The following RFX7 variants were observed in gnomAD, a reference collection of about 807,000 sequenced individuals.
RFX7 encodes the protein regulatory factor X7.
RFX7 carries 26 observed loss-of-function variants against 111.8 expected under a neutral mutation model. The observed-to-expected ratio is 0.23, with a 90% confidence interval of 0.17 to 0.32. The LOEUF (loss-of-function observed/expected upper bound fraction) is 0.32. Ranked by LOEUF, RFX7 falls within the 10% of genes least tolerant of loss-of-function variation. RFX7 has a pLI of 1.00. For synonymous variants in RFX7, 624 were observed against 624.4 expected (o/e 1.00, Z 0.01); for missense variants, 1,573 against 1,772.9 (o/e 0.89, Z 2.02).
intron 5 of RFX7, among the ~76,000 whole-genome samples, chr15:56,110,798 A>G (rs1218820502): frequency 4.1e-4 from 1 of 2,450 alleles, no homozygotes; most frequent in African/African-American, 4.3e-4. Flanking sequence ...CCGGCCAGCC[A>G]CCCTGTCCGG....
chr15:56,230,342 T>G lies in RFX7; in HGVS notation c.161+12783A>C, dbSNP rs571537333. 2.6e-5 allele frequency among the ~76,000 whole-genome samples: 4 copies of G among 152,294 alleles called. No individual in the cohort carries two copies. The South Asian group carries it at 6.2e-4, about 24-fold the overall frequency. Reference sequence around the variant, plus strand: ...ACACACATTATTAAATCTAGGTACATAGTGAAAGATATGGGATTGGGAAAA... The same window carrying G: ...ACACACATTATTAAATCTAGGTACAGAGTGAAAGATATGGGATTGGGAAAA... On this transcript the variant is annotated intron_variant, in intron 2 of 9. Coordinates refer to ENST00000559447, the MANE Select transcript of RFX7 (RefSeq NM_022841.7).
chr15:56,096,515 C>T lies in RFX7; in HGVS notation c.1213G>A (p.Val405Met), dbSNP rs753764184. 2.5e-6 allele frequency: 4 copies of T among 1,603,350 alleles called. No individual in the cohort carries two copies. The highest frequency in any genetic ancestry group is 2.6e-6 in the Non-Finnish European group (3 of 1,174,878). Residue 405 changes from valine (V) to methionine (M), a missense_variant, in exon 10 of 10, where the codon GTG (valine) becomes ATG (methionine). Val to Met is a conservative substitution (Grantham distance 21). Coordinates refer to ENST00000559447, the MANE Select transcript of RFX7 (RefSeq NM_022841.7). ...VQVVTQHMQS[V>M]KQAPKTPQNV... ...TGGGGAGTCTTTGGTGCCTGTTTCA[C>T]AGACTGCATGTGCTGAGTGACCACC...
chr15:56,127,550 A>AT (rs71441430), intron 5 of RFX7, among the ~76,000 whole-genome samples: 19,827 of 141,280 alleles, frequency 0.14, 1,696 homozygotes, highest in East Asian at 0.43. Context: ...TTTTGAAAAG[A>AT]TTTTTTTTTT....
chr15:56,161,137 A>G (rs1222597208), intron 3 of RFX7, among the ~76,000 whole-genome samples: 1 of 152,140 alleles, frequency 6.6e-6, no homozygotes, highest in Non-Finnish European at 1.5e-5. Flanking sequence ...CTTAGAGAAC[A>G]GTTAAGGAAA....
chr15:56,145,895 A>G (rs146729416), intron 3 of RFX7, among the ~76,000 whole-genome samples: 50 of 152,360 alleles, frequency 3.3e-4, no homozygotes, highest in African/African-American at 9.4e-4. Context: ...GTGGCATAAA[A>G]TAACTATGAA....
intron 3 of RFX7, among the ~76,000 whole-genome samples, chr15:56,172,558 C>A (rs964423015): frequency 2.0e-5 from 3 of 152,112 alleles, no homozygotes; most frequent in African/African-American, 7.2e-5. Context: ...AAGGACAACT[C>A]TTCTGTTGAG....
At chr15:56,125,610 AGTGTGTGTGTGTGTGTGTGT>A (rs10564650) in intron 5 of RFX7, among the ~76,000 whole-genome samples, 1 of 146,954 alleles carries the variant, frequency 6.8e-6, no homozygotes, top group Non-Finnish European at 1.5e-5. Context: ...TGTGTGTGTG[AGTGTGTGTGTGTGTGTGTGT>A]GTGTGTGTGT....
rs1288855708 is a variant in RFX7, at chr15:56,087,685, G to T, written c.*5660C>A. 1 of 399,696 alleles carries T rather than the reference G, an allele frequency of 2.5e-6. No homozygotes were observed. The highest frequency in any genetic ancestry group is 2.7e-5 in the Admixed American group (1 of 36,446). 24.8% of individuals were successfully genotyped at this position (399,696 alleles called of 1,614,324 possible). A position where few individuals can be genotyped will look rare whatever the true frequency, so the allele number is the denominator to read the frequency against. On this transcript the variant is annotated 3_prime_UTR_variant, in exon 10 of 10. Coordinates refer to ENST00000559447, the MANE Select transcript of RFX7 (RefSeq NM_022841.7). ...AAGAAGGGGAGAATGCATACTACTG[G>T]TAAGTATCCGCCTCTGCTATAGTGA...
At chr15:56,124,640 G>T (rs1179703114) in intron 5 of RFX7, among the ~76,000 whole-genome samples, 1 of 152,050 alleles carries the variant, frequency 6.6e-6, no homozygotes, top group Non-Finnish European at 1.5e-5. Flanking sequence ...CGTACCTATG[G>T]CCATTTGTAC....
At chr15:56,117,894 T>A (rs1294909979) in intron 5 of RFX7, among the ~76,000 whole-genome samples, 1 of 152,154 alleles carries the variant, frequency 6.6e-6, no homozygotes, top group Non-Finnish European at 1.5e-5. Context: ...TGATTCTTTA[T>A]CTTGGGTATA....
intron 3 of RFX7, among the ~76,000 whole-genome samples, chr15:56,154,314 G>A (rs894757671): frequency 1.5e-4 from 23 of 152,096 alleles, no homozygotes; most frequent in Non-Finnish European, 1.6e-4. Context: ...AAAAGAGCCC[G>A]CATAGCCAAG....
chr15:56,242,725 A>G (rs1237849320), intron 2 of RFX7, among the ~76,000 whole-genome samples: 2 of 152,220 alleles, frequency 1.3e-5, no homozygotes, highest in African/African-American at 4.8e-5. Flanking sequence ...TGTTTGGTGA[A>G]AATTCACAAT....
chr15:56,237,469 T>A (rs1214411289), intron 2 of RFX7, among the ~76,000 whole-genome samples: 1 of 152,222 alleles, frequency 6.6e-6, no homozygotes, highest in African/African-American at 2.4e-5. Context: ...AATTTTCATT[T>A]GCACAATTTT....
chr15:56,235,114 AAGGGTT>A (rs1418628801), intron 2 of RFX7, among the ~76,000 whole-genome samples: 1 of 152,148 alleles, frequency 6.6e-6, no homozygotes, highest in Non-Finnish European at 1.5e-5. Flanking sequence ...AGCAAAGAAA[AAGGGTT>A]ATGGATAGTG....
intron 3 of RFX7, among the ~76,000 whole-genome samples, chr15:56,151,766 A>T (rs2042572373): frequency 1.3e-5 from 2 of 152,168 alleles, no homozygotes; most frequent in South Asian, 4.1e-4. Flanking sequence ...CAGACTGGCA[A>T]ATTAGATAAA....
intron 2 of RFX7, among the ~76,000 whole-genome samples, chr15:56,183,586 A>G (rs919297287): frequency 2.6e-5 from 4 of 152,264 alleles, no homozygotes; most frequent in Non-Finnish European, 5.9e-5. Flanking sequence ...ACCTATCCCT[A>G]AGTTAACACC....
At chr15:56,202,270 A>G (rs1296862432) in intron 2 of RFX7, among the ~76,000 whole-genome samples, 1 of 152,238 alleles carries the variant, frequency 6.6e-6, no homozygotes, top group African/African-American at 2.4e-5. Flanking sequence ...AACAGATATT[A>G]CATTTAGTAA....
chr15:56,213,094 C>T (rs1374329901), intron 2 of RFX7, among the ~76,000 whole-genome samples: 1 of 152,190 alleles, frequency 6.6e-6, no homozygotes, highest in Admixed American at 6.5e-5. Flanking sequence ...TACAGACATT[C>T]TGGAAAAGTT....
intron 2 of RFX7, among the ~76,000 whole-genome samples, chr15:56,225,106 T>C (rs1012769654): frequency 6.6e-6 from 1 of 152,188 alleles, no homozygotes; most frequent in Admixed American, 6.5e-5. Flanking sequence ...GAATGTAACA[T>C]TTTTACATTT....
Sources: allele counts gnomAD v4.1 joint callset (sites outside exome capture counted in the v4.1 genomes callset), GRCh38; gene constraint gnomAD v4.1.1; transcripts MANE v1.5; gene names NCBI Gene and HGNC (gene_info 2026-07-23, HGNC 2026-07-21).